CDH23: variants seen among roughly 807,000 people sequenced by gnomAD.
CDH23 encodes cadherin-23.
Under a neutral mutation model 317.1 loss-of-function variants are expected in CDH23, and 189 were observed. The ratio of observed to expected loss-of-function variants is 0.60; its 90% CI spans 0.53 to 0.67. The LOEUF (loss-of-function observed/expected upper bound fraction) is 0.67. Ranked by LOEUF, CDH23 falls within the 30% of genes least tolerant of loss-of-function variation. The pLI, the probability that CDH23 is intolerant of heterozygous loss-of-function variation, is 0.00. For missense variants in CDH23, 4,401 were observed against 4,592.4 expected (o/e 0.96, Z 1.20); for synonymous variants, 1,839 against 1,876.8 (o/e 0.98, Z 0.52).
intron 30 of CDH23, among the ~76,000 whole-genome samples, chr10:71,729,617 G>T (rs1269579416): frequency 6.6e-6 from 1 of 152,180 alleles, no homozygotes; most frequent in African/African-American, 2.4e-5. Context: ...AGCCTTAGGG[G>T]CTGGGAGCTG....
intron 41 of CDH23, among the ~76,000 whole-genome samples, chr10:71,780,347 C>T (rs982610805): frequency 1.3e-5 from 2 of 152,050 alleles, no homozygotes; most frequent in African/African-American, 4.8e-5. Context: ...GTGCTAAGGG[C>T]TATGGAGAAA....
rs116783530 is a variant in CDH23 at position 71,710,782 on chromosome 10, C to G, written c.3220+1571C>G. Among the ~76,000 whole-genome samples the G allele has an allele frequency of 1.3e-3, 197 of 152,360 alleles. 1 individual carries two copies. Among genetic ancestry groups the G allele is most frequent in the African/African-American group, 4.5e-3 (189 of 41,594 alleles). ...GCAAGGGCCTGGAGGTGGGAAAGTGCCTTGTGTGCACAAGCATGCGTGCAT... is the reference window on the plus strand; with the variant it reads ...GCAAGGGCCTGGAGGTGGGAAAGTGGCTTGTGTGCACAAGCATGCGTGCAT... On this transcript the variant is annotated intron_variant, in intron 27 of 69. Transcript: ENST00000224721.
rs372996083 is a variant in CDH23 at position 71,807,327 on chromosome 10, C to A, written c.8229C>A (p.Arg2743=). The A allele has an allele frequency of 1.7e-5, 27 of 1,613,768 alleles. No individual in the cohort carries two copies. The highest frequency in any genetic ancestry group is 2.2e-5 in the Non-Finnish European group (26 of 1,179,830). ...TGACAGTGCCTGAGCACTCACCACG[C>A]GGCACCCTCGTGGGCAACGTGACAG... is the stretch of plus-strand genomic sequence containing the variant. The part of the protein sequence containing the change: ...QLLTVPEHSP[R]GTLVGNVTGA... Residue 2743 remains arginine (R), a synonymous_variant, in exon 58 of 70, where the codon CGC becomes CGA. Coordinates refer to ENST00000224721, the MANE Select transcript of CDH23 (RefSeq NM_022124.6).
intron 53 of CDH23, among the ~76,000 whole-genome samples, chr10:71,801,667 C>T (rs376435996): frequency 6.6e-6 from 1 of 152,182 alleles, no homozygotes; most frequent in African/African-American, 2.4e-5. Flanking sequence ...GCAGTACTCA[C>T]TTCTCCCTCA....
Position 71,397,725 on chromosome 10 carries a change from T to C in CDH23, c.-6+407T>C, listed in dbSNP as rs1847588863. ...GTTGGGATCCAATCCCCTCCCCTTC[T>C]GAGCCCTGGGTCCCCATTTGGACAG... On this transcript the variant is annotated intron_variant, in intron 1 of 69. Transcript: ENST00000224721. This position sits in a 1 kb window ranked among gnomAD's most constrained non-coding sequence, Gnocchi z 4.8. Among the ~76,000 whole-genome samples the C allele has an allele frequency of 6.6e-6, 1 of 152,078 alleles. No individual in the cohort carries two copies. Among genetic ancestry groups the C allele is most frequent in the South Asian group, 2.1e-4 (1 of 4,820 alleles).
chr10:71,710,942 G>A (rs1189640158), intron 27 of CDH23, among the ~76,000 whole-genome samples: 1 of 152,216 alleles, frequency 6.6e-6, no homozygotes. Flanking sequence ...GCCCTTGAGG[G>A]CCCCAGAGGG....
chr10:71,500,545 C>G (rs1435363923), intron 3 of CDH23, among the ~76,000 whole-genome samples: 1 of 152,230 alleles, frequency 6.6e-6, no homozygotes, highest in East Asian at 1.9e-4. Context: ...GTCTCTGCCT[C>G]AGGGCTGCTC....
At chr10:71,741,310 G>A (rs928893974) in intron 37 of CDH23, among the ~76,000 whole-genome samples, 2 of 152,162 alleles carry the variant, frequency 1.3e-5, no homozygotes, top group African/African-American at 4.8e-5. Context: ...TAGGTTGGAC[G>A]TTCATGAAGG....
Position 71,793,248 on chromosome 10 carries a change from G to T in CDH23, c.6320G>T (p.Arg2107Leu), listed in dbSNP as rs780094972. 2 of 1,613,870 alleles carry T rather than the reference G, an allele frequency of 1.2e-6. No homozygotes were observed. The highest frequency in any genetic ancestry group is 1.7e-6 in the Non-Finnish European group (2 of 1,179,878). ...DSGLNGELVY[R>L]IEAGAQDRFL... ...GGCCTCAATGGGGAGCTGGTCTACC[G>T]AATAGAAGCTGGGGCTCAGGACCGC... is the stretch of plus-strand genomic sequence containing the variant. The change falls in exon 48 of 70, where the codon CGA becomes CTA. Residue 2107 changes from arginine to leucine, a missense_variant. Arg to Leu is a moderately radical substitution (Grantham distance 102). Around this residue, in one of 3 missense-constraint regions of CDH23, gnomAD observed 3,068 missense variants for 3,203.3 expected, o/e 0.96. Coordinates refer to ENST00000224721, the MANE Select transcript of CDH23 (RefSeq NM_022124.6).
At chr10:71,786,181 G>T (rs963848160) in intron 44 of CDH23, among the ~76,000 whole-genome samples, 2 of 152,212 alleles carry the variant, frequency 1.3e-5, no homozygotes, top group African/African-American at 4.8e-5. Flanking sequence ...TTTCCAGGTG[G>T]CTCTCCCCTC....
intron 3 of CDH23, among the ~76,000 whole-genome samples, chr10:71,471,136 T>G (rs1851484835): frequency 6.7e-6 from 1 of 149,116 alleles, no homozygotes; most frequent in South Asian, 2.2e-4. Flanking sequence ...AAGTTTAATT[T>G]TGCGGGTCTT....
intron 1 of CDH23, among the ~76,000 whole-genome samples, chr10:71,427,246 G>GAAA (rs1193969874): frequency 0.092 from 1,585 of 17,220 alleles, 106 homozygotes; most frequent in African/African-American, 0.23. Context: ...AGAAAGAAAG[G>GAAA]GAAAGAAAGA....
intron 68 of CDH23, 116 bp downstream of exon 68, chr10:71,813,006 C>T (rs942771840): frequency 3.3e-5 from 49 of 1,488,900 alleles, no homozygotes; most frequent in South Asian, 2.4e-4. Context: ...TCCACTGGGG[C>T]GAGAACACCA....
At chr10:71,548,679 T>C (rs1016359555) in intron 6 of CDH23, among the ~76,000 whole-genome samples, 2 of 152,168 alleles carry the variant, frequency 1.3e-5, no homozygotes, top group Non-Finnish European at 2.9e-5. Flanking sequence ...GTCCTCAGGG[T>C]AGTACTTAGT....
At chr10:71,488,874 ACTTTCAGTACTTTGAAGTAC>A (rs1197023746) in intron 3 of CDH23, among the ~76,000 whole-genome samples, 23 of 152,340 alleles carry the variant, frequency 1.5e-4, no homozygotes, top group African/African-American at 5.5e-4. Context: ...GTTGCCATTT[ACTTTCAGTACTTTGAAGTAC>A]CTTTCAGTAC....
intron 26 of CDH23, 33 bp from the exon 27 acceptor site, chr10:71,709,065 C>G: frequency 6.2e-7 from 1 of 1,602,526 alleles, no homozygotes; most frequent in Non-Finnish European, 8.5e-7. Flanking sequence ...AGCTCTGTTT[C>G]CCAGCCGGAA....
At chr10:71,812,139 G>A in intron 66 of CDH23, 124 bp downstream of exon 66, 1 of 1,594,170 alleles carries the variant, frequency 6.3e-7, no homozygotes, top group South Asian at 1.1e-5. Flanking sequence ...CCCCTGGTGG[G>A]CGGGCCACCC....
At chr10:71,662,035 G>A (rs555404322) in intron 14 of CDH23, among the ~76,000 whole-genome samples, 2 of 151,178 alleles carry the variant, frequency 1.3e-5, no homozygotes, top group South Asian at 2.1e-4. Context: ...GGCTGGGCCC[G>A]CAGCCTCTGC....
rs562859768 is a variant in CDH23 at position 71,712,676 on chromosome 10, G to C, written c.3232G>C (p.Val1078Leu). 10 of 1,613,528 alleles carry C rather than the reference G, an allele frequency of 6.2e-6. No individual in the cohort carries two copies. In the African/African-American group the frequency reaches 1.1e-4, roughly 17 times the overall value. Reference protein sequence around the residue: ...LILEAIDNGPVGKRHTGTATV... With the variant: ...LILEAIDNGPLGKRHTGTATV... ...TTCAACTCCCACAGACAACGGCCCT[G>C]TAGGGAAGCGACACACGGGCACAGC... is the stretch of plus-strand genomic sequence containing the variant. The change falls in exon 28 of 70, where the codon GTA becomes CTA. Residue 1078 changes from valine (V) to leucine (L), a missense_variant. Val to Leu is a conservative substitution (Grantham distance 32). Around this residue, in one of 3 missense-constraint regions of CDH23, gnomAD observed 3,068 missense variants for 3,203.3 expected, o/e 0.96. Coordinates refer to ENST00000224721, the MANE Select transcript of CDH23 (RefSeq NM_022124.6).
Sources: allele counts gnomAD v4.1 joint callset (sites outside exome capture counted in the v4.1 genomes callset), GRCh38; gene constraint gnomAD v4.1.1; regional missense constraint gnomAD v4.1.1; non-coding constraint Gnocchi (gnomAD v3.1); transcripts MANE v1.5; gene names NCBI Gene and HGNC (gene_info 2026-07-23, HGNC 2026-07-21).